Variants in TNNI3K observed in about 807,000 individuals in gnomAD.
The protein encoded by TNNI3K is serine/threonine-protein kinase TNNI3K.
A neutral mutation model predicts 114.5 loss-of-function variants in TNNI3K; 140 were observed. That is an observed-to-expected ratio of 1.22 (90% CI 1.07 to 1.41). TNNI3K has a LOEUF of 1.41. Among genes scored for constraint, TNNI3K ranks in the 40% most tolerant of loss-of-function variants. TNNI3K has a pLI of 0.00. For missense variants in TNNI3K, 1,125 were observed against 1,007.6 expected (o/e 1.12, Z -1.58); for synonymous variants, 347 against 347.5 (o/e 1.00, Z 0.02).
At chr1:74,300,252 G>A (rs556655346) in intron 5 of TNNI3K, among the ~76,000 whole-genome samples, 3 of 152,102 alleles carry the variant, frequency 2.0e-5, no homozygotes, top group African/African-American at 7.2e-5. Context: ...TGGACCACAC[G>A]ATTTGTTTTT....
At chr1:74,480,679 C>T in intron 21 of TNNI3K, 1 of 717,360 alleles carries the variant, frequency 1.4e-6, no homozygotes, top group Non-Finnish European at 2.6e-6. Flanking sequence ...TGTTTCGGAA[C>T]CAAGACCCTC....
chr1:74,438,913 G>T (rs982987945), intron 19 of TNNI3K, among the ~76,000 whole-genome samples: 4 of 152,104 alleles, frequency 2.6e-5, no homozygotes, highest in Non-Finnish European at 4.4e-5. Flanking sequence ...GATCCAGCCA[G>T]TGATAAATCT....
intron 7 of TNNI3K, among the ~76,000 whole-genome samples, chr1:74,339,140 GT>G (rs1660627672): frequency 6.6e-6 from 1 of 152,038 alleles, no homozygotes; most frequent in African/African-American, 2.4e-5. Context: ...GTCTCTTTCA[GT>G]GCAAAAGGCA....
chr1:74,300,082 C>G (rs45622932), intron 5 of TNNI3K, among the ~76,000 whole-genome samples: 206 of 152,216 alleles, frequency 1.4e-3, no homozygotes, highest in African/African-American at 4.8e-3. Context: ...GAATTATCTT[C>G]TTTCTTTATC....
intron 20 of TNNI3K, among the ~76,000 whole-genome samples, chr1:74,452,234 C>T (rs1045798076): frequency 2.0e-5 from 3 of 152,112 alleles, no homozygotes; most frequent in Non-Finnish European, 4.4e-5. Context: ...ATGATGACTA[C>T]CACAAAAAAT....
intron 17 of TNNI3K, chr1:74,416,276 C>T (rs1162819187): frequency 2.0e-6 from 2 of 985,030 alleles, no homozygotes; most frequent in East Asian, 1.1e-4. Flanking sequence ...ATAGCAAAGT[C>T]GGGTGATAAT....
At chr1:74,297,896 C>T (rs1658092471) in intron 5 of TNNI3K, among the ~76,000 whole-genome samples, 1 of 152,128 alleles carries the variant, frequency 6.6e-6, no homozygotes, top group Non-Finnish European at 1.5e-5. Flanking sequence ...GAGAAACTGA[C>T]TCAACTTCTC....
At chr1:74,303,060 G>A (rs1047139015) in intron 5 of TNNI3K, among the ~76,000 whole-genome samples, 1 of 152,134 alleles carries the variant, frequency 6.6e-6, no homozygotes, top group Non-Finnish European at 1.5e-5. Context: ...AGAAGTGAAT[G>A]CTCATTTACT....
intron 21 of TNNI3K, among the ~76,000 whole-genome samples, chr1:74,465,463 T>A (rs1667632979): frequency 6.6e-6 from 1 of 152,138 alleles, no homozygotes; most frequent in African/African-American, 2.4e-5. Context: ...CGCACCGTGC[T>A]CAAATTCTCA....
chr1:74,281,810 T>TATCAC (rs113754843), intron 5 of TNNI3K, among the ~76,000 whole-genome samples: 1 of 152,012 alleles, frequency 6.6e-6, no homozygotes, highest in Non-Finnish European at 1.5e-5. Context: ...TGATTTGTTT[T>TATCAC]ATCATATGGT....
At chr1:74,471,099 G>C (rs75237842) in intron 21 of TNNI3K, 2 of 400,544 alleles carry the variant, frequency 5.0e-6, no homozygotes, top group Non-Finnish European at 8.8e-6. Flanking sequence ...GTGTAGGTTG[G>C]GGCAATTTTG....
intron 2 of TNNI3K, among the ~76,000 whole-genome samples, chr1:74,249,141 A>T (rs186344500): frequency 9.4e-4 from 142 of 151,106 alleles, no homozygotes; most frequent in African/African-American, 3.3e-3. Flanking sequence ...ATGATGTCTG[A>T]CCTTGGTTTT....
At chr1:74,369,289 A>G (rs367663500) in intron 15 of TNNI3K, 25 bp downstream of exon 15, 1 of 1,611,296 alleles carries the variant, frequency 6.2e-7, no homozygotes, top group African/African-American at 1.3e-5. Flanking sequence ...GAAAAAATTT[A>G]ACATCCAGGT....
intron 4 of TNNI3K, among the ~76,000 whole-genome samples, chr1:74,258,291 C>G (rs1013525243): frequency 6.6e-6 from 1 of 152,170 alleles, no homozygotes; most frequent in South Asian, 2.1e-4. Flanking sequence ...TTCTTCTTCT[C>G]GGTTACCCTG....
At chr1:74,245,110 C>T (rs575353322) in intron 2 of TNNI3K, among the ~76,000 whole-genome samples, 60 of 152,074 alleles carry the variant, frequency 3.9e-4, no homozygotes, top group Admixed American at 2.3e-3. Flanking sequence ...ATAATATCTA[C>T]GGAGAAATTC....
At chr1:74,298,141 A>C (rs1658105735) in intron 5 of TNNI3K, among the ~76,000 whole-genome samples, 1 of 152,122 alleles carries the variant, frequency 6.6e-6, no homozygotes. Flanking sequence ...GGTTGATCTC[A>C]TTCTGAATAC....
intron 17 of TNNI3K, 79 bp downstream of exon 17, chr1:74,370,471 T>C: frequency 7.7e-7 from 1 of 1,291,702 alleles, no homozygotes; most frequent in Non-Finnish European, 1.1e-6. Context: ...AAGATACATT[T>C]TAGACTTATT....
chr1:74,530,527 TAAA>T (rs1390511012), intron 23 of TNNI3K, among the ~76,000 whole-genome samples: 1 of 152,122 alleles, frequency 6.6e-6, no homozygotes, highest in Non-Finnish European at 1.5e-5. Flanking sequence ...AAAATAAAAA[TAAA>T]AATCATCAAA....
At chr1:74,525,702 G>GA (rs1269359521) in intron 23 of TNNI3K, among the ~76,000 whole-genome samples, 2 of 152,158 alleles carry the variant, frequency 1.3e-5, no homozygotes, top group African/African-American at 4.8e-5. Context: ...TATGACCATG[G>GA]AGGCCTGGAT....
Sources: allele counts gnomAD v4.1 joint callset (sites outside exome capture counted in the v4.1 genomes callset), GRCh38; gene constraint gnomAD v4.1.1; transcripts MANE v1.5; gene names NCBI Gene and HGNC (gene_info 2026-07-23, HGNC 2026-07-21).